The following NCALD variants were observed in gnomAD, a reference collection of about 807,000 sequenced individuals.
The protein encoded by NCALD is neurocalcin-delta.
In NCALD, 10 loss-of-function variants were observed where a neutral mutation model predicts 18.6. The observed-to-expected ratio is 0.54, with a 90% CI of 0.33 to 0.91. NCALD has a LOEUF of 0.91. Ranked by LOEUF, NCALD falls within the 40% of genes least tolerant of loss-of-function variation. NCALD has a pLI of 0.03. For missense variants in NCALD, 184 were observed against 247.6 expected (o/e 0.74, Z 1.72); for synonymous variants, 88 against 87.4 (o/e 1.01, Z -0.04).
chr8:101,860,065 C>A (rs540574894), intron 4 of NCALD, among the ~76,000 whole-genome samples: 2 of 152,210 alleles, frequency 1.3e-5, no homozygotes, highest in Non-Finnish European at 2.9e-5. Flanking sequence ...CAGCATTGTA[C>A]TTAAGAAGAC....
intron 2 of NCALD, among the ~76,000 whole-genome samples, chr8:101,982,001 G>T (rs1166233970): frequency 6.6e-6 from 1 of 152,066 alleles, no homozygotes; most frequent in South Asian, 2.1e-4. Flanking sequence ...CTGAGTTCAC[G>T]TGAGATCTGA....
chr8:101,713,452 C>T (rs1326667660), intron 2 of NCALD, among the ~76,000 whole-genome samples: 1 of 146,814 alleles, frequency 6.8e-6, no homozygotes, highest in Non-Finnish European at 1.5e-5. Context: ...GAGATAGAGA[C>T]ACAAAAAAAA....
intron 1 of NCALD, among the ~76,000 whole-genome samples, chr8:101,737,875 C>T (rs755105788): frequency 2.6e-5 from 4 of 152,184 alleles, no homozygotes; most frequent in Non-Finnish European, 5.9e-5. Context: ...GCATCTATTT[C>T]GTATTGACTG....
intron 1 of NCALD, among the ~76,000 whole-genome samples, chr8:102,023,645 G>A (rs1190422449): frequency 6.6e-6 from 1 of 152,146 alleles, no homozygotes; most frequent in Non-Finnish European, 1.5e-5. Flanking sequence ...CAGTTATTGA[G>A]GTCCCTTCCA....
At chr8:101,745,932 C>G (rs184965230) in intron 1 of NCALD, 2 of 152,264 alleles carry the variant, frequency 1.3e-5, no homozygotes, top group East Asian at 3.9e-4. Context: ...TACAGGCACA[C>G]CAGACTCCAA....
chr8:101,795,173 C>G (rs888954074), upstream of NCALD, among the ~76,000 whole-genome samples: 27 of 152,160 alleles, frequency 1.8e-4, no homozygotes, highest in African/African-American at 6.5e-4. Flanking sequence ...AGCATGTGTT[C>G]AAACCAATAC....
chr8:102,123,847 A>G (rs1297855852), intron 1 of NCALD: 1 of 151,586 alleles, frequency 6.6e-6, no homozygotes, highest in East Asian at 2.0e-4. Flanking sequence ...CCGGGGCGGG[A>G]TGCTCCAGAG....
intron 2 of NCALD, among the ~76,000 whole-genome samples, chr8:101,939,941 A>G (rs1354077772): frequency 6.6e-6 from 1 of 152,200 alleles, no homozygotes; most frequent in African/African-American, 2.4e-5. Context: ...TTTAAAGCCC[A>G]TGGGTGCTTT....
chr8:101,706,440 T>G (rs1327468944), intron 2 of NCALD, among the ~76,000 whole-genome samples: 1 of 152,152 alleles, frequency 6.6e-6, no homozygotes, highest in Non-Finnish European at 1.5e-5. Flanking sequence ...ACAGTAGAAA[T>G]GAAGATCTGG....
chr8:101,733,565 C>A (rs933838198), intron 1 of NCALD, among the ~76,000 whole-genome samples: 4 of 152,120 alleles, frequency 2.6e-5, no homozygotes, highest in Non-Finnish European at 5.9e-5. Context: ...CAGGTGCTCG[C>A]TAAACATGGA....
chr8:101,889,071 A>T (rs1361512403), intron 3 of NCALD, among the ~76,000 whole-genome samples: 1 of 152,212 alleles, frequency 6.6e-6, no homozygotes, highest in Non-Finnish European at 1.5e-5. Flanking sequence ...GGGCTCCTGG[A>T]AAGGTACTTT....
intron 2 of NCALD, among the ~76,000 whole-genome samples, chr8:101,700,379 A>G (rs1478584319): frequency 2.0e-5 from 3 of 152,204 alleles, no homozygotes; most frequent in Non-Finnish European, 4.4e-5. Context: ...ATGTCTCACA[A>G]TCTTCTAGCA....
chr8:101,988,154 C>CAAAAAAAAAAAAAAAAAAAAA (rs141735735), intron 2 of NCALD, among the ~76,000 whole-genome samples: 5 of 37,148 alleles, frequency 1.3e-4, no homozygotes, highest in Admixed American at 3.1e-4. Context: ...GACTCCGTCT[C>CAAAAAAAAAAAAAAAAAAAAA]AAAAAAAAAA....
chr8:101,932,722 A>T (rs1818623365), intron 2 of NCALD, among the ~76,000 whole-genome samples: 1 of 152,190 alleles, frequency 6.6e-6, no homozygotes, highest in African/African-American at 2.4e-5. Flanking sequence ...AGAGCTCATT[A>T]GAGGTACTGA....
At chr8:101,917,175 G>C (rs969854109) in intron 2 of NCALD, among the ~76,000 whole-genome samples, 2 of 152,100 alleles carry the variant, frequency 1.3e-5, no homozygotes, top group African/African-American at 4.8e-5. Flanking sequence ...AATAAAAATA[G>C]AAATAAACTC....
At chr8:101,880,218 A>G (rs1223251390) in intron 4 of NCALD, among the ~76,000 whole-genome samples, 3 of 151,716 alleles carry the variant, frequency 2.0e-5, no homozygotes, top group Non-Finnish European at 4.4e-5. Flanking sequence ...GACCTGGCGC[A>G]CCCTCCACAG....
chr8:101,723,404 C>T lies in NCALD; in HGVS notation c.-19-3756G>A, dbSNP rs565944306. On this transcript the variant is annotated intron_variant, in intron 1 of 3. Transcript: ENST00000220931. ...AAACACAAAATTGAGTTCAAAATTA[C>T]CAAGTGTATATATACTGTGCAGAAG... is the stretch of plus-strand genomic sequence containing the variant. Among the ~76,000 whole-genome samples, 15 of 152,102 alleles carry T rather than the reference C, an allele frequency of 9.9e-5. No homozygotes were observed. In the South Asian group the frequency reaches 2.7e-3, roughly 27 times the overall value.
chr8:101,945,023 G>C (rs913060866), intron 2 of NCALD, among the ~76,000 whole-genome samples: 1 of 152,214 alleles, frequency 6.6e-6, no homozygotes, highest in African/African-American at 2.4e-5. Context: ...TGGAATGACA[G>C]CTGGCCTATC....
At chr8:101,838,845 C>T (rs868389484) in intron 4 of NCALD, among the ~76,000 whole-genome samples, 13 of 152,172 alleles carry the variant, frequency 8.5e-5, no homozygotes, top group African/African-American at 3.1e-4. Context: ...GTATCATAAC[C>T]AATGTTCACA....
Sources: allele counts gnomAD v4.1 joint callset (sites outside exome capture counted in the v4.1 genomes callset), GRCh38; gene constraint gnomAD v4.1.1; transcripts MANE v1.5; gene names NCBI Gene and HGNC (gene_info 2026-07-23, HGNC 2026-07-21).